The following AGO3 variants were observed in gnomAD, a reference collection of about 807,000 sequenced individuals.
The protein encoded by AGO3 is protein argonaute-3.
AGO3 carries 16 observed loss-of-function variants against 105.5 expected under a neutral mutation model. The observed-to-expected ratio is 0.15, with a 90% CI of 0.10 to 0.23. AGO3 has a LOEUF of 0.23. AGO3 is among the 10% of genes least tolerant of loss of function. The probability of loss-of-function intolerance (pLI) is 1.00; values close to 1 mark genes in which losing one functional copy is unlikely to be tolerated. For synonymous variants in AGO3, 340 were observed against 367.3 expected (o/e 0.93, Z 0.85); for missense variants, 534 against 1,088.0 (o/e 0.49, Z 7.16).
intron 5 of AGO3, among the ~76,000 whole-genome samples, chr1:35,999,145 G>C (rs1355638833): frequency 6.6e-6 from 1 of 152,126 alleles, no homozygotes; most frequent in Admixed American, 6.5e-5. Flanking sequence ...CTGAGGTCAG[G>C]AGTTTGAGAC....
intron 5 of AGO3, among the ~76,000 whole-genome samples, chr1:35,987,421 A>G (rs1647231499): frequency 6.6e-6 from 1 of 151,924 alleles, no homozygotes; most frequent in Admixed American, 6.6e-5. Context: ...TGAACCCAGG[A>G]GACGGAGGTT....
Position 36,008,567 on chromosome 1 carries a change from G to C in AGO3, c.794-123G>C, listed in dbSNP as rs1023539189. The C allele has an allele frequency of 7.4e-6, 6 of 812,134 alleles. No individual in the cohort carries two copies. The highest frequency in any genetic ancestry group is 1.2e-5 in the Non-Finnish European group (6 of 514,628). 50.3% of individuals were successfully genotyped at this position (812,134 alleles called of 1,614,324 possible). A position where few individuals can be genotyped will look rare whatever the true frequency, so the allele number is the denominator to read the frequency against. On this transcript the variant is annotated intron_variant, in intron 6 of 18. Coordinates refer to ENST00000373191, the MANE Select transcript of AGO3 (RefSeq NM_024852.4). The surrounding 1 kb of genome is among the most constrained non-coding windows in gnomAD (Gnocchi z 5.1). ...TAAAATCTGGTGTTTATATCATCTTGCCTGTATCACAGAATTTTTTGTCTG... is the reference window on the plus strand; with the variant it reads ...TAAAATCTGGTGTTTATATCATCTTCCCTGTATCACAGAATTTTTTGTCTG...
At chr1:36,010,767 A>G (rs1640569220) in intron 9 of AGO3, among the ~76,000 whole-genome samples, 3 of 152,068 alleles carry the variant, frequency 2.0e-5, no homozygotes, top group Middle Eastern at 6.8e-3. Flanking sequence ...TTAGCCAGGC[A>G]TAGTGGCGCA....
At chr1:35,971,589 A>G (rs951219589) in intron 3 of AGO3, among the ~76,000 whole-genome samples, 4 of 152,068 alleles carry the variant, frequency 2.6e-5, no homozygotes, top group Non-Finnish European at 5.9e-5. Context: ...CTTTGAAAGT[A>G]ACTAGTTTCT....
intron 2 of AGO3, among the ~76,000 whole-genome samples, chr1:35,948,047 A>G (rs1646399695): frequency 6.6e-6 from 1 of 152,150 alleles, no homozygotes. Flanking sequence ...AGCCGGGGCA[A>G]CATAGTGAGA....
rs1206140840 is a variant in AGO3 at position 36,027,620 on chromosome 1, A to T, written c.1591+322A>T. Among the ~76,000 whole-genome samples, 1 of 152,084 alleles carries T rather than the reference A, an allele frequency of 6.6e-6. No homozygotes were observed. The highest frequency in any genetic ancestry group is 2.4e-5 in the African/African-American group (1 of 41,420). On this transcript the variant is annotated intron_variant, in intron 12 of 18. Transcript: ENST00000373191. The surrounding 1 kb of genome is among the most constrained non-coding windows in gnomAD (Gnocchi z 4.0). ...TGGTGAAACCCCATCTCTACTAAAA[A>T]TACAAAAAATTAGCTGGGCGTGGTG...
At chr1:35,995,062 A>T (rs1421780866) in intron 5 of AGO3, among the ~76,000 whole-genome samples, 2 of 151,700 alleles carry the variant, frequency 1.3e-5, no homozygotes, top group African/African-American at 4.8e-5. Flanking sequence ...TTAGCCGGGC[A>T]TGGTGGCGTG....
intron 5 of AGO3, among the ~76,000 whole-genome samples, chr1:35,999,271 CAG>C: frequency 6.6e-6 from 1 of 152,180 alleles, no homozygotes; most frequent in Middle Eastern, 3.4e-3. Context: ...ACCCAGGAGA[CAG>C]AGGTTGCAGT....
chr1:36,025,057 A>G (rs1360593524), intron 11 of AGO3, among the ~76,000 whole-genome samples: 1 of 152,158 alleles, frequency 6.6e-6, no homozygotes, highest in African/African-American at 2.4e-5. Flanking sequence ...TCCCTCTGGA[A>G]TCTAATTTTC....
At position 36,056,404 on chromosome 1, in the gene AGO3, C is replaced by G. The variant is rs1357094353; in HGVS notation, c.*659C>G. ...CACCTACATTTTTTTCCCAGTCCTA[C>G]CAGTGACATTCAAATGTTGATGTAT... On this transcript the variant is annotated 3_prime_UTR_variant, in exon 19 of 19. Coordinates refer to ENST00000373191, the MANE Select transcript of AGO3 (RefSeq NM_024852.4). The G allele has an allele frequency of 6.6e-6, 1 of 152,092 alleles. No homozygotes were observed. Among genetic ancestry groups the G allele is most frequent in the East Asian group, 1.9e-4 (1 of 5,188 alleles). The allele number at this position is 152,092 out of a possible 1,614,324, so 9.4% of individuals were successfully genotyped here.
chr1:35,998,314 G>T (rs1323801452), intron 5 of AGO3, among the ~76,000 whole-genome samples: 1 of 152,098 alleles, frequency 6.6e-6, no homozygotes, highest in African/African-American at 2.4e-5. Flanking sequence ...CACATATTTA[G>T]GTTGTTTCCA....
intron 5 of AGO3, among the ~76,000 whole-genome samples, chr1:35,995,448 C>A (rs1260052896): frequency 6.6e-6 from 1 of 151,844 alleles, no homozygotes; most frequent in Non-Finnish European, 1.5e-5. Context: ...CCAGAATAGA[C>A]CCACTAATGT....
intron 17 of AGO3, among the ~76,000 whole-genome samples, chr1:36,052,573 G>A (rs375183841): frequency 6.6e-6 from 1 of 152,080 alleles, no homozygotes; most frequent in Non-Finnish European, 1.5e-5. Flanking sequence ...CACAATGTTT[G>A]AGGCATAGAT....
rs982937231 is a variant in AGO3, at chr1:36,063,861, A to C, written c.*8116A>C. The stretch of plus-strand genomic sequence containing the variant: ...ACTCCTGGGCTCAGGCTATCCTCCC[A>C]CCTCAGCCTCTGAAGTAGCTGGGAC... On this transcript the variant is annotated 3_prime_UTR_variant, in exon 19 of 19. Coordinates refer to ENST00000373191, the MANE Select transcript of AGO3 (RefSeq NM_024852.4). The C allele has an allele frequency of 6.6e-6, 1 of 152,040 alleles. No homozygotes were observed. The allele number at this position is 152,040 out of a possible 1,614,324, so 9.4% of individuals were successfully genotyped here.
rs1056744264 is a variant in AGO3, at chr1:36,027,659, G to GT, written c.1591+362dup. ...CTGGGCGTGGTGGTGGGCGCCTGTG[G>GT]TCCCAGCCACTCAGGAGGCTGAGGC... On this transcript the variant is annotated intron_variant, in intron 12 of 18. Transcript: ENST00000373191. This position sits in a 1 kb window ranked among gnomAD's most constrained non-coding sequence, Gnocchi z 4.0. Among the ~76,000 whole-genome samples, 46 of 151,960 alleles carry GT rather than the reference G, an allele frequency of 3.0e-4. No individual in the cohort carries two copies. The highest frequency in any genetic ancestry group is 3.0e-3 in the Admixed American group (46 of 15,244).
At chr1:35,963,784 A>G (rs1331099277) in intron 2 of AGO3, among the ~76,000 whole-genome samples, 1 of 152,190 alleles carries the variant, frequency 6.6e-6, no homozygotes, top group African/African-American at 2.4e-5. Flanking sequence ...AAGGACTAGT[A>G]TAAGAAATAC....
intron 5 of AGO3, among the ~76,000 whole-genome samples, chr1:35,992,663 C>G (rs1647791202): frequency 6.6e-6 from 1 of 152,152 alleles, no homozygotes; most frequent in Non-Finnish European, 1.5e-5. Context: ...AATTTCAACC[C>G]ATAAAGGAAT....
chr1:35,937,502 C>G (rs1029277958), intron 1 of AGO3, among the ~76,000 whole-genome samples: 1 of 152,034 alleles, frequency 6.6e-6, no homozygotes, highest in Non-Finnish European at 1.5e-5. Context: ...ACCAGCCTAA[C>G]CAACATGGTG....
chr1:36,055,287 G>T lies in AGO3; in HGVS notation c.2474+142G>T. 1 of 834,148 alleles carries T rather than the reference G, an allele frequency of 1.2e-6. No homozygotes were observed. The allele number at this position is 834,148 out of a possible 1,614,324, so 51.7% of individuals were successfully genotyped here. A position where few individuals can be genotyped will look rare whatever the true frequency, so the allele number is the denominator to read the frequency against. The stretch of plus-strand genomic sequence containing the variant: ...AACTGACTGCCCAAGGTTTCCTATT[G>T]AAATATATTGTCTAGGCTCATTAGT... On this transcript the variant is annotated intron_variant, in intron 18 of 18. Transcript: ENST00000373191. This position sits in a 1 kb window ranked among gnomAD's most constrained non-coding sequence, Gnocchi z 4.4.
Sources: gnomAD v4.1 joint callset for allele counts (sites outside exome capture counted in the v4.1 genomes callset) on GRCh38, gnomAD v4.1.1 for gene constraint, Gnocchi (gnomAD v3.1) non-coding constraint, MANE v1.5 for transcripts, NCBI Gene and HGNC (gene_info 2026-07-23, HGNC 2026-07-21) for gene names.